Variants in EPC2 observed in about 807,000 individuals in gnomAD.
EPC2 encodes enhancer of polycomb homolog 2.
Under a neutral mutation model 92.1 loss-of-function variants are expected in EPC2, and 14 were observed. That is an observed-to-expected ratio of 0.15 (90% CI 0.10 to 0.24). The LOEUF (loss-of-function observed/expected upper bound fraction) is 0.24, where lower values mean the gene tolerates loss of function less well. EPC2 is among the 10% of genes least tolerant of loss of function. The pLI is 1.00. For missense variants in EPC2, 755 were observed against 971.5 expected (o/e 0.78, Z 2.96); for synonymous variants, 340 against 334.7 (o/e 1.02, Z -0.17).
At chr2:148,732,192 A>G (rs912794934) in intron 2 of EPC2, among the ~76,000 whole-genome samples, 40 of 152,136 alleles carry the variant, frequency 2.6e-4, no homozygotes, top group African/African-American at 9.7e-4. Context: ...CAGTTCTATT[A>G]TTCTAAGAAA....
At chr2:148,670,336 ACT>A (rs1363488654) in intron 1 of EPC2, among the ~76,000 whole-genome samples, 85 of 145,170 alleles carry the variant, frequency 5.9e-4, no homozygotes, top group African/African-American at 1.8e-3. Flanking sequence ...GTCCATGTTA[ACT>A]CTTTTTTTTT....
At chr2:148,737,560 G>T (rs2105402252) in intron 2 of EPC2, among the ~76,000 whole-genome samples, 1 of 152,168 alleles carries the variant, frequency 6.6e-6, no homozygotes, top group South Asian at 2.1e-4. Flanking sequence ...CTTTGTACTT[G>T]CCCTCAGCGT....
chr2:148,664,117 A>G (rs1464625220), intron 1 of EPC2, among the ~76,000 whole-genome samples: 1 of 152,208 alleles, frequency 6.6e-6, no homozygotes, highest in Admixed American at 6.5e-5. Context: ...TGTGTATTAC[A>G]TGGAATTTTC....
At chr2:148,719,453 G>A (rs1682324623) in intron 2 of EPC2, among the ~76,000 whole-genome samples, 1 of 151,810 alleles carries the variant, frequency 6.6e-6, no homozygotes, top group African/African-American at 2.4e-5. Flanking sequence ...TTTTCTGTTT[G>A]TTTTTCTTTT....
chr2:148,718,505 T>C (rs1682302126), intron 2 of EPC2, among the ~76,000 whole-genome samples: 1 of 152,244 alleles, frequency 6.6e-6, no homozygotes, highest in African/African-American at 2.4e-5. Flanking sequence ...AAGCTTAGTT[T>C]GGCCCAATAT....
At chr2:148,679,508 AC>A (rs1170108867) in intron 1 of EPC2, among the ~76,000 whole-genome samples, 2 of 152,220 alleles carry the variant, frequency 1.3e-5, no homozygotes, top group African/African-American at 4.8e-5. Flanking sequence ...ACTTTCTGTG[AC>A]CAGCAAGGTG....
intron 10 of EPC2, among the ~76,000 whole-genome samples, chr2:148,771,819 G>C (rs75109859): frequency 1.4e-5 from 2 of 143,584 alleles, no homozygotes; most frequent in African/African-American, 5.1e-5. Context: ...TTTTTTTTTA[G>C]ATGGAGTCTC....
intron 3 of EPC2, among the ~76,000 whole-genome samples, chr2:148,750,772 T>G (rs1009141834): frequency 7.2e-5 from 11 of 152,116 alleles, no homozygotes; most frequent in African/African-American, 2.2e-4. Flanking sequence ...TTTAACTCTT[T>G]TTGAATTTAA....
intron 2 of EPC2, among the ~76,000 whole-genome samples, chr2:148,739,833 C>CTTTTTTTTTTTTTTTTTTTTTTTGTTT (rs1682845194): frequency 1.2e-5 from 1 of 81,296 alleles, no homozygotes; most frequent in Admixed American, 1.9e-4. Flanking sequence ...TCTTCTTCTT[C>CTTTTTTTTTTTTTTTTTTTTTTTGTTT]TTTTTTTTTT....
chr2:148,731,912 A>G (rs905102658), intron 2 of EPC2, among the ~76,000 whole-genome samples: 4 of 152,210 alleles, frequency 2.6e-5, no homozygotes, highest in African/African-American at 9.7e-5. Flanking sequence ...ATGATTAGAA[A>G]GGTTTAATTT....
intron 1 of EPC2, among the ~76,000 whole-genome samples, chr2:148,669,893 C>T (rs2105359806): frequency 6.6e-6 from 1 of 152,204 alleles, no homozygotes; most frequent in Non-Finnish European, 1.5e-5. Flanking sequence ...TAGGAACAGG[C>T]ATTGTGTTCC....
intron 2 of EPC2, among the ~76,000 whole-genome samples, chr2:148,721,066 T>G (rs554272477): frequency 1.8e-4 from 27 of 152,322 alleles, no homozygotes; most frequent in Non-Finnish European, 2.8e-4. Flanking sequence ...AGCTGTTGTC[T>G]GTTAGATAAT....
chr2:148,727,434 T>G (rs985010414), intron 2 of EPC2, among the ~76,000 whole-genome samples: 1 of 152,230 alleles, frequency 6.6e-6, no homozygotes, highest in Non-Finnish European at 1.5e-5. Flanking sequence ...TTACTAACAT[T>G]AGAACAACAA....
intron 2 of EPC2, among the ~76,000 whole-genome samples, chr2:148,731,483 A>G (rs532379344): frequency 1.2e-4 from 18 of 151,780 alleles, no homozygotes; most frequent in Non-Finnish European, 2.2e-4. Flanking sequence ...GCTCACTACA[A>G]CCTCCGCCTC....
intron 2 of EPC2, among the ~76,000 whole-genome samples, chr2:148,703,404 C>G (rs1681927095): frequency 6.6e-6 from 1 of 151,352 alleles, no homozygotes; most frequent in Non-Finnish European, 1.5e-5. Context: ...GTTTTTAAAG[C>G]CTGTTTTTAG....
chr2:148,725,321 C>G (rs1171635357), intron 2 of EPC2, among the ~76,000 whole-genome samples: 1 of 151,966 alleles, frequency 6.6e-6, no homozygotes. Context: ...AATGTTAACA[C>G]TTAACAATAT....
chr2:148,714,001 C>G (rs1682209021), intron 2 of EPC2, among the ~76,000 whole-genome samples: 1 of 152,036 alleles, frequency 6.6e-6, no homozygotes, highest in African/African-American at 2.4e-5. Flanking sequence ...CATTCCATCA[C>G]CTAGGTATTA....
At chr2:148,732,739 G>A (rs1427080958) in intron 2 of EPC2, among the ~76,000 whole-genome samples, 2 of 152,042 alleles carry the variant, frequency 1.3e-5, no homozygotes, top group African/African-American at 2.4e-5. Flanking sequence ...AGTGGCTTAT[G>A]TGGTCATCTA....
At chr2:148,713,795 C>T (rs1480067002) in intron 2 of EPC2, among the ~76,000 whole-genome samples, 2 of 152,182 alleles carry the variant, frequency 1.3e-5, no homozygotes, top group African/African-American at 2.4e-5. Flanking sequence ...GAGCAATAGG[C>T]TACAGCATAT....
Sources: allele counts gnomAD v4.1 joint callset (sites outside exome capture counted in the v4.1 genomes callset), GRCh38; gene constraint gnomAD v4.1.1; transcripts MANE v1.5; gene names NCBI Gene and HGNC (gene_info 2026-07-23, HGNC 2026-07-21).